The following CDH13 variants were observed in gnomAD, a reference collection of about 807,000 sequenced individuals.
The protein encoded by CDH13 is cadherin-13.
A neutral mutation model predicts 63.8 loss-of-function variants in CDH13; 24 were observed. The observed-to-expected ratio is 0.38, with a 90% confidence interval of 0.27 to 0.53. The LOEUF (loss-of-function observed/expected upper bound fraction) is 0.53, where lower values mean the gene tolerates loss of function less well. Ranked by LOEUF, CDH13 falls within the 20% of genes least tolerant of loss-of-function variation. The pLI is 0.85. For missense variants in CDH13, 1,049 were observed against 903.1 expected (o/e 1.16, Z -2.07); for synonymous variants, 503 against 355.3 (o/e 1.42, Z -4.67).
rs543950246 is a variant in CDH13, at chr16:83,525,358, G to A, written c.960+38703G>A. On this transcript the variant is annotated intron_variant, in intron 7 of 13. Coordinates refer to ENST00000567109, the MANE Select transcript of CDH13 (RefSeq NM_001257.5). ...GGACAACAACGTAAAATAAGCTTTA[G>A]TACAAAGAGAAGTTCTATAACTTGC... Among the ~76,000 whole-genome samples, 131 of 152,222 alleles carry A rather than the reference G, an allele frequency of 8.6e-4. 1 individual carries two copies. Among genetic ancestry groups the A allele is most frequent in the Admixed American group, 4.6e-4 (7 of 15,290 alleles).
At chr16:82,814,350 G>A (rs940097112) in intron 1 of CDH13, among the ~76,000 whole-genome samples, 1 of 152,108 alleles carries the variant, frequency 6.6e-6, no homozygotes, top group Non-Finnish European at 1.5e-5. Context: ...CTGGTTTCCA[G>A]GGGAATCAAC....
intron 8 of CDH13, among the ~76,000 whole-genome samples, chr16:83,663,197 C>G (rs1356298436): frequency 1.3e-5 from 2 of 152,100 alleles, no homozygotes; most frequent in Non-Finnish European, 2.9e-5. Flanking sequence ...AGCTCTGGGT[C>G]CAATCAGCTA....
chr16:83,732,122 A>C (rs917738533), intron 10 of CDH13, among the ~76,000 whole-genome samples: 1 of 152,212 alleles, frequency 6.6e-6, no homozygotes, highest in African/African-American at 2.4e-5. Context: ...GACAGTGTGG[A>C]GTTTCCATTC....
intron 6 of CDH13, among the ~76,000 whole-genome samples, chr16:83,454,708 C>G (rs2151515241): frequency 1.3e-5 from 1 of 77,260 alleles, no homozygotes; most frequent in East Asian, 4.3e-4. Context: ...TAAATATGTT[C>G]TATTGATTTT....
At chr16:83,401,977 G>A (rs559128716) in intron 6 of CDH13, among the ~76,000 whole-genome samples, 3 of 152,256 alleles carry the variant, frequency 2.0e-5, no homozygotes, top group African/African-American at 7.2e-5. Context: ...GGCTCCAGTG[G>A]CCACTAAAGC....
chr16:82,677,891 C>G (rs974329225), intron 1 of CDH13, among the ~76,000 whole-genome samples: 1 of 152,156 alleles, frequency 6.6e-6, no homozygotes, highest in Non-Finnish European at 1.5e-5. Context: ...GGCTTCTGAC[C>G]TTGCTCTCAC....
chr16:83,143,204 T>C (rs982445256), intron 4 of CDH13, among the ~76,000 whole-genome samples: 2 of 152,220 alleles, frequency 1.3e-5, no homozygotes, highest in African/African-American at 2.4e-5. Flanking sequence ...GAATAAAAAA[T>C]ATTTTTTCTT....
At chr16:83,271,223 A>G (rs2088797049) in intron 5 of CDH13, among the ~76,000 whole-genome samples, 1 of 151,758 alleles carries the variant, frequency 6.6e-6, no homozygotes, top group African/African-American at 2.4e-5. Flanking sequence ...TGAATCACAT[A>G]TTGTATCCTT....
chr16:83,056,558 C>T (rs1292564720), intron 3 of CDH13, among the ~76,000 whole-genome samples: 1 of 151,984 alleles, frequency 6.6e-6, no homozygotes, highest in Non-Finnish European at 1.5e-5. Context: ...AAGGGAATAT[C>T]CTATGGAAAT....
intron 1 of CDH13, among the ~76,000 whole-genome samples, chr16:82,734,674 C>T (rs551119301): frequency 1.3e-5 from 2 of 152,306 alleles, no homozygotes; most frequent in South Asian, 2.1e-4. Context: ...GGGAGAAGTC[C>T]AGCTATGATA....
intron 5 of CDH13, among the ~76,000 whole-genome samples, chr16:83,344,159 G>T (rs1292636563): frequency 6.6e-6 from 1 of 152,208 alleles, no homozygotes; most frequent in African/African-American, 2.4e-5. Context: ...CACAGAAAAT[G>T]TGCGCATAAG....
At chr16:82,660,003 C>T (rs1222519394) in intron 1 of CDH13, among the ~76,000 whole-genome samples, 1 of 152,184 alleles carries the variant, frequency 6.6e-6, no homozygotes, top group Non-Finnish European at 1.5e-5. Context: ...GAAGTTGAGG[C>T]ATATCTGCTC....
intron 2 of CDH13, among the ~76,000 whole-genome samples, chr16:83,030,507 A>G (rs1404862685): frequency 1.3e-5 from 2 of 151,832 alleles, no homozygotes; most frequent in African/African-American, 2.4e-5. Flanking sequence ...GCCAGGCATG[A>G]TGGCATGCAT....
At chr16:82,934,463 C>G (rs768442359) in intron 2 of CDH13, among the ~76,000 whole-genome samples, 32 of 152,196 alleles carry the variant, frequency 2.1e-4, no homozygotes, top group Non-Finnish European at 8.8e-5. Context: ...ATGGCAGGGG[C>G]TACCATGAAG....
At chr16:83,602,797 G>C (rs1376556392) in intron 8 of CDH13, among the ~76,000 whole-genome samples, 1 of 152,138 alleles carries the variant, frequency 6.6e-6, no homozygotes, top group African/African-American at 2.4e-5. Flanking sequence ...ACTAGAGCAC[G>C]GTGAGAACAA....
intron 11 of CDH13, among the ~76,000 whole-genome samples, chr16:83,778,902 T>C (rs1016431867): frequency 5.3e-5 from 8 of 152,228 alleles, no homozygotes; most frequent in South Asian, 2.1e-4. Context: ...AGTGAAACCA[T>C]GGCCATCTCT....
At chr16:82,775,153 G>A (rs904176495) in intron 1 of CDH13, among the ~76,000 whole-genome samples, 4 of 152,134 alleles carry the variant, frequency 2.6e-5, no homozygotes, top group Non-Finnish European at 5.9e-5. Flanking sequence ...GTGAAATGAG[G>A]ATGACAGCTG....
chr16:83,314,572 T>C (rs1205295316), intron 5 of CDH13, among the ~76,000 whole-genome samples: 3 of 151,684 alleles, frequency 2.0e-5, no homozygotes, highest in Non-Finnish European at 4.4e-5. Flanking sequence ...AAAAATACGG[T>C]ATTTTTTTCA....
At chr16:83,580,958 A>G (rs1905540055) in intron 7 of CDH13, among the ~76,000 whole-genome samples, 1 of 152,202 alleles carries the variant, frequency 6.6e-6, no homozygotes, top group Non-Finnish European at 1.5e-5. Context: ...ACAGATCTCT[A>G]TTTGTGGGAG....
Sources: gnomAD v4.1 joint callset for allele counts (sites outside exome capture counted in the v4.1 genomes callset) on GRCh38, gnomAD v4.1.1 for gene constraint, MANE v1.5 for transcripts, NCBI Gene and HGNC (gene_info 2026-07-23, HGNC 2026-07-21) for gene names.